Variants in NCK2 observed in about 807,000 individuals in gnomAD.
NCK2 encodes cytoplasmic protein NCK2.
A neutral mutation model predicts 33.9 loss-of-function variants in NCK2; 16 were observed. That is an observed-to-expected ratio of 0.47 (90% CI 0.32 to 0.72). NCK2 has a LOEUF of 0.72. NCK2 is among the 30% of genes least tolerant of loss of function. The pLI is 0.03. For synonymous variants in NCK2, 273 were observed against 239.9 expected (o/e 1.14, Z -1.27); for missense variants, 418 against 537.3 (o/e 0.78, Z 2.19).
chr2:105,843,446 A>G (rs1040837352), intron 2 of NCK2, among the ~76,000 whole-genome samples: 1 of 151,680 alleles, frequency 6.6e-6, no homozygotes, highest in African/African-American at 2.4e-5. Flanking sequence ...TAAAGGATTC[A>G]TGTGTAAAAA....
chr2:105,813,033 C>T (rs2104474831), intron 1 of NCK2, among the ~76,000 whole-genome samples: 1 of 152,266 alleles, frequency 6.6e-6, no homozygotes, highest in South Asian at 2.1e-4. Context: ...AAGGTTCTAG[C>T]CCTTTCGTGG....
intron 1 of NCK2, among the ~76,000 whole-genome samples, chr2:105,780,740 T>C (rs766346819): frequency 5.9e-5 from 9 of 152,264 alleles, no homozygotes; most frequent in Admixed American, 3.3e-4. Flanking sequence ...ATGGGATTAA[T>C]TTCCTTACGG....
intron 2 of NCK2, chr2:105,851,758 T>G (rs1029060139): frequency 1.3e-5 from 2 of 152,366 alleles, no homozygotes; most frequent in Admixed American, 1.3e-4. Context: ...TGGTGTGACT[T>G]AGTTTTTGAT....
intron 3 of NCK2, among the ~76,000 whole-genome samples, chr2:105,876,481 T>C (rs1489027433): frequency 1.3e-5 from 2 of 152,202 alleles, no homozygotes; most frequent in Non-Finnish European, 2.9e-5. Context: ...GCGAATGTGC[T>C]CTTCCAAAAT....
intron 1 of NCK2, among the ~76,000 whole-genome samples, chr2:105,811,702 T>C (rs1029985268): frequency 6.6e-6 from 1 of 152,184 alleles, no homozygotes; most frequent in Non-Finnish European, 1.5e-5. Context: ...TGCATGATGC[T>C]TGCAGGCGGG....
intron 3 of NCK2, among the ~76,000 whole-genome samples, chr2:105,881,104 T>A (rs1477749451): frequency 6.6e-6 from 1 of 152,172 alleles, no homozygotes; most frequent in Non-Finnish European, 1.5e-5. Flanking sequence ...TTTTTATGGA[T>A]AAAATAGATC....
intron 1 of NCK2, among the ~76,000 whole-genome samples, chr2:105,799,578 C>T (rs888257382): frequency 6.6e-6 from 1 of 152,196 alleles, no homozygotes; most frequent in Admixed American, 6.5e-5. Context: ...CTATCTGCCA[C>T]ACCAAACACG....
At chr2:105,802,927 G>C (rs1031385411) in intron 1 of NCK2, among the ~76,000 whole-genome samples, 12 of 152,070 alleles carry the variant, frequency 7.9e-5, no homozygotes, top group African/African-American at 2.9e-4. Context: ...AGTGATGTCT[G>C]TTGTGTGTAT....
intron 2 of NCK2, among the ~76,000 whole-genome samples, chr2:105,833,636 AAAC>A (rs1191455535): frequency 2.0e-5 from 3 of 151,720 alleles, no homozygotes; most frequent in South Asian, 2.1e-4. Context: ...ATTTTTAAAT[AAAC>A]AACTTTTTAT....
chr2:105,769,483 C>T (rs1028968389), intron 1 of NCK2, among the ~76,000 whole-genome samples: 1 of 152,156 alleles, frequency 6.6e-6, no homozygotes, highest in African/African-American at 2.4e-5. Flanking sequence ...CTTAGAGATA[C>T]AAAATGTTTA....
At chr2:105,819,268 C>T (rs1007027055) in intron 2 of NCK2, among the ~76,000 whole-genome samples, 2 of 151,098 alleles carry the variant, frequency 1.3e-5, no homozygotes, top group African/African-American at 2.4e-5. Flanking sequence ...TGTTCCAAAC[C>T]TAGGAGGTTT....
intron 1 of NCK2, among the ~76,000 whole-genome samples, chr2:105,772,511 G>C (rs1690166607): frequency 1.3e-5 from 2 of 152,050 alleles, no homozygotes; most frequent in South Asian, 2.1e-4. Context: ...GAAGTGGCCG[G>C]ATCTCTGGTC....
intron 1 of NCK2, among the ~76,000 whole-genome samples, chr2:105,747,076 G>T (rs1689312236): frequency 6.6e-6 from 1 of 152,152 alleles, no homozygotes; most frequent in African/African-American, 2.4e-5. Context: ...CCTGTTAACC[G>T]TCGGGCTTGC....
At chr2:105,822,661 GAAACAA>G (rs1286169420) in intron 2 of NCK2, among the ~76,000 whole-genome samples, 4 of 151,914 alleles carry the variant, frequency 2.6e-5, no homozygotes, top group Non-Finnish European at 5.9e-5. Flanking sequence ...GAAAGCTGAA[GAAACAA>G]AAACAAAAAA....
intron 2 of NCK2, among the ~76,000 whole-genome samples, chr2:105,840,608 C>A (rs776308141): frequency 6.6e-6 from 1 of 152,234 alleles, no homozygotes; most frequent in African/African-American, 2.4e-5. Context: ...CCTCCACCCC[C>A]ACTTCAGATG....
chr2:105,841,594 A>C (rs747547016), intron 2 of NCK2, among the ~76,000 whole-genome samples: 7 of 152,122 alleles, frequency 4.6e-5, no homozygotes, highest in Non-Finnish European at 7.4e-5. Context: ...TGGATAATCA[A>C]CTTGACCTCA....
At chr2:105,780,434 T>C (rs1256185121) in intron 1 of NCK2, among the ~76,000 whole-genome samples, 4 of 152,058 alleles carry the variant, frequency 2.6e-5, no homozygotes, top group South Asian at 4.1e-4. Flanking sequence ...GTATCTGGGT[T>C]AAAATTCTAA....
intron 3 of NCK2, among the ~76,000 whole-genome samples, chr2:105,880,404 G>A (rs144694136): frequency 2.0e-5 from 3 of 152,314 alleles, no homozygotes; most frequent in Admixed American, 6.5e-5. Context: ...AAATTAGTCT[G>A]CTGTTTTGAA....
At position 105,881,620 on chromosome 2, in the gene NCK2, T is replaced by G; in HGVS notation, c.519T>G (p.Ala173=). Residue 173 remains alanine, a synonymous_variant, in exon 4 of 5, where the codon GCT becomes GCG. Transcript: ENST00000233154. ...TCTTGGAGGAGGTGGACGAGGCGGC[T>G]GCGGAGTCCCCAAGCTTCCTGAGCC... ...NYVLEEVDEA[A]AESPSFLSLR... The G allele has an allele frequency of 1.9e-6, 3 of 1,613,662 alleles. No individual in the cohort carries two copies. Among genetic ancestry groups the G allele is most frequent in the Non-Finnish European group, 2.5e-6 (3 of 1,179,944 alleles).
Sources: gnomAD v4.1 joint callset for allele counts (sites outside exome capture counted in the v4.1 genomes callset) on GRCh38, gnomAD v4.1.1 for gene constraint, MANE v1.5 for transcripts, NCBI Gene and HGNC (gene_info 2026-07-23, HGNC 2026-07-21) for gene names.